Variants in WWOX observed in about 807,000 individuals in gnomAD.
WWOX encodes WW domain-containing oxidoreductase.
WWOX carries 69 observed loss-of-function variants against 46.2 expected under a neutral mutation model. That is an observed-to-expected ratio of 1.49 (90% confidence interval 1.23 to 1.82). WWOX has a LOEUF of 1.82. Ranked by LOEUF, WWOX falls within the 40% of genes most tolerant of loss-of-function variation. WWOX has a pLI of 0.00. For synonymous variants in WWOX, 359 were observed against 202.6 expected (o/e 1.77, Z -6.56); for missense variants, 919 against 542.6 (o/e 1.69, Z -6.89).
At chr16:78,364,372 T>C (rs2081483991) in intron 5 of WWOX, among the ~76,000 whole-genome samples, 2 of 152,214 alleles carry the variant, frequency 1.3e-5, no homozygotes, top group South Asian at 4.1e-4. Context: ...GTATCGGTTC[T>C]GATTTATTAA....
chr16:78,774,542 A>T (rs2050143461), intron 8 of WWOX, among the ~76,000 whole-genome samples: 1 of 149,854 alleles, frequency 6.7e-6, no homozygotes, highest in African/African-American at 2.5e-5. Context: ...GCGCGTGCGC[A>T]CACGCATGAG....
At chr16:78,961,702 T>A (rs56094932) in intron 8 of WWOX, among the ~76,000 whole-genome samples, 4 of 152,114 alleles carry the variant, frequency 2.6e-5, no homozygotes, top group African/African-American at 9.7e-5. Context: ...ATAAGCATAT[T>A]CTGGGTATCA....
intron 8 of WWOX, among the ~76,000 whole-genome samples, chr16:78,596,146 T>C (rs1056104119): frequency 6.6e-6 from 1 of 152,020 alleles, no homozygotes; most frequent in African/African-American, 2.4e-5. Flanking sequence ...TGTGAAAGAA[T>C]ATAAAACAAA....
At chr16:78,195,318 A>T (rs2036013960) in intron 5 of WWOX, among the ~76,000 whole-genome samples, 1 of 152,128 alleles carries the variant, frequency 6.6e-6, no homozygotes, top group Admixed American at 6.5e-5. Context: ...TTCTACCCTA[A>T]GACCATGAAC....
intron 5 of WWOX, among the ~76,000 whole-genome samples, chr16:78,381,092 C>A (rs973597696): frequency 2.6e-5 from 4 of 152,166 alleles, no homozygotes; most frequent in Non-Finnish European, 5.9e-5. Flanking sequence ...GCTGTAGTTC[C>A]AGGGCAGCCT....
chr16:78,625,667 GTAA>G (rs902116172), intron 8 of WWOX, among the ~76,000 whole-genome samples: 14 of 151,636 alleles, frequency 9.2e-5, no homozygotes, highest in Non-Finnish European at 1.9e-4. Flanking sequence ...AAAAGTAATA[GTAA>G]TAATAATACT....
intron 8 of WWOX, among the ~76,000 whole-genome samples, chr16:78,545,702 T>C (rs1331316027): frequency 6.6e-6 from 1 of 152,210 alleles, no homozygotes; most frequent in Non-Finnish European, 1.5e-5. Context: ...ACTGGGGATA[T>C]TAAACATTAG....
chr16:79,143,114 T>G (rs1162182457), intron 8 of WWOX, among the ~76,000 whole-genome samples: 1 of 152,174 alleles, frequency 6.6e-6, no homozygotes, highest in African/African-American at 2.4e-5. Flanking sequence ...AAAAAAAAGT[T>G]TAAGGGACTG....
intron 8 of WWOX, among the ~76,000 whole-genome samples, chr16:78,772,366 A>G (rs937163087): frequency 1.3e-5 from 2 of 152,212 alleles, no homozygotes; most frequent in African/African-American, 4.8e-5. Context: ...CGCAGAAGAC[A>G]TGATCGCATT....
In WWOX at chr16:79,212,497, A is replaced by C. The variant is rs2051801728; in HGVS notation, c.*701A>C. On this transcript the variant is annotated 3_prime_UTR_variant, in exon 9 of 9. Coordinates refer to ENST00000566780, the MANE Select transcript of WWOX (RefSeq NM_016373.4). ...TAGATACCTTGAAAGGCAGGAAGGG[A>C]AGCGTATATACTTAAGAATACACAG... 1 of 217,296 alleles carries C rather than the reference A, an allele frequency of 4.6e-6. No homozygotes were observed. Among genetic ancestry groups the C allele is most frequent in the South Asian group, 9.1e-5 (1 of 11,020 alleles). 13.5% of individuals were successfully genotyped at this position (217,296 alleles called of 1,614,324 possible). A position where few individuals can be genotyped will look rare whatever the true frequency, so the allele number is the denominator to read the frequency against.
intron 5 of WWOX, among the ~76,000 whole-genome samples, chr16:78,185,436 A>G (rs1161783151): frequency 6.6e-6 from 1 of 152,130 alleles, no homozygotes; most frequent in Non-Finnish European, 1.5e-5. Context: ...ACCACAGTGC[A>G]TACAAATCCT....
chr16:78,740,081 C>G (rs1176871586), intron 8 of WWOX, among the ~76,000 whole-genome samples: 2 of 152,114 alleles, frequency 1.3e-5, no homozygotes, highest in Admixed American at 1.3e-4. Flanking sequence ...TTGCCACCTG[C>G]CCTGCTTTGG....
intron 5 of WWOX, among the ~76,000 whole-genome samples, chr16:78,370,560 A>T (rs1184875796): frequency 2.0e-5 from 3 of 152,038 alleles, no homozygotes; most frequent in Non-Finnish European, 4.4e-5. Flanking sequence ...TTCTTAAAGT[A>T]TGCCTGTAAT....
chr16:78,478,807 A>T (rs550276470), intron 8 of WWOX, among the ~76,000 whole-genome samples: 6 of 152,156 alleles, frequency 3.9e-5, no homozygotes, highest in Admixed American at 2.0e-4. Context: ...AGGGTTTTTT[A>T]AATTTATTTT....
intron 8 of WWOX, among the ~76,000 whole-genome samples, chr16:78,738,095 G>T (rs924836087): frequency 3.9e-5 from 6 of 152,092 alleles, no homozygotes; most frequent in Admixed American, 6.6e-5. Context: ...AAAGCTAGAG[G>T]TTCTAATTAT....
intron 8 of WWOX, among the ~76,000 whole-genome samples, chr16:78,698,740 C>T (rs185024655): frequency 1.3e-5 from 2 of 152,156 alleles, no homozygotes; most frequent in Non-Finnish European, 2.9e-5. Context: ...ACTAAGGAGA[C>T]TGAGGCAGGA....
At chr16:79,128,435 A>G (rs1301983250) in intron 8 of WWOX, among the ~76,000 whole-genome samples, 3 of 152,198 alleles carry the variant, frequency 2.0e-5, no homozygotes, top group Non-Finnish European at 2.9e-5. Context: ...CACTTTCAGC[A>G]ACCCTGTAAA....
chr16:78,901,822 C>G (rs1433273975), intron 8 of WWOX, among the ~76,000 whole-genome samples: 1 of 152,230 alleles, frequency 6.6e-6, no homozygotes, highest in Non-Finnish European at 1.5e-5. Flanking sequence ...GGTGTACAAT[C>G]CAAGTCTGTC....
At chr16:78,356,071 TAA>T (rs61113878) in intron 5 of WWOX, among the ~76,000 whole-genome samples, 24 of 76,140 alleles carry the variant, frequency 3.2e-4, no homozygotes, top group Non-Finnish European at 5.3e-4. Flanking sequence ...TTTTTTTTCC[TAA>T]AAAAAAAAAA....
Sources: allele counts gnomAD v4.1 joint callset (sites outside exome capture counted in the v4.1 genomes callset), GRCh38; gene constraint gnomAD v4.1.1; transcripts MANE v1.5; gene names NCBI Gene and HGNC (gene_info 2026-07-23, HGNC 2026-07-21).